Variants in PRR16 observed in about 807,000 individuals in gnomAD.
The protein encoded by PRR16 is proline rich 16, also known as protein Largen.
Under a neutral mutation model 18.2 loss-of-function variants are expected in PRR16, and 6 were observed. The observed-to-expected ratio is 0.33, with a 90% CI of 0.18 to 0.65. The LOEUF (loss-of-function observed/expected upper bound fraction) is 0.65. Among genes scored for constraint, PRR16 ranks in the 30% least tolerant of loss-of-function variants. The pLI, the probability that PRR16 is intolerant of heterozygous loss-of-function variation, is 0.74. For synonymous variants in PRR16, 151 were observed against 147.8 expected (o/e 1.02, Z -0.16); for missense variants, 412 against 376.6 (o/e 1.09, Z -0.78).
intron 1 of PRR16, among the ~76,000 whole-genome samples, chr5:120,520,502 A>G (rs1751138540): frequency 6.6e-6 from 1 of 152,226 alleles, no homozygotes; most frequent in African/African-American, 2.4e-5. Context: ...GTTTAGGTAG[A>G]TCAGAACTTT....
chr5:120,563,434 G>C (rs1458088196), intron 1 of PRR16, among the ~76,000 whole-genome samples: 1 of 152,166 alleles, frequency 6.6e-6, no homozygotes, highest in Non-Finnish European at 1.5e-5. Context: ...CTAAAGCTAA[G>C]CTGGCATCAA....
chr5:120,556,884 T>G (rs1449160394), intron 1 of PRR16, among the ~76,000 whole-genome samples: 1 of 151,738 alleles, frequency 6.6e-6, no homozygotes, highest in African/African-American at 2.4e-5. Flanking sequence ...ATTAAACAAC[T>G]TTCTTTTCAG....
chr5:120,489,072 G>C (rs1247808928), intron 1 of PRR16, among the ~76,000 whole-genome samples: 5 of 152,080 alleles, frequency 3.3e-5, no homozygotes, highest in African/African-American at 9.7e-5. Context: ...TTACTTCCAA[G>C]TATGTGGTCA....
At chr5:120,564,232 G>T (rs912354995) in intron 1 of PRR16, among the ~76,000 whole-genome samples, 1 of 152,104 alleles carries the variant, frequency 6.6e-6, no homozygotes, top group Non-Finnish European at 1.5e-5. Context: ...GGGTGGTACA[G>T]GCATTCCCAA....
intron 1 of PRR16, among the ~76,000 whole-genome samples, chr5:120,587,645 C>T (rs1411246513): frequency 6.6e-6 from 1 of 152,152 alleles, no homozygotes; most frequent in African/African-American, 2.4e-5. Context: ...AGACCTACTA[C>T]TCAGAAAAAA....
At chr5:120,760,839 G>A in the PRR16 span, among the ~76,000 whole-genome samples, 3 of 151,954 alleles carry the variant, frequency 2.0e-5, no homozygotes, top group Admixed American at 6.6e-5. Context: ...ATTGAGCTCC[G>A]GTAGCACAAT....
the PRR16 span, among the ~76,000 whole-genome samples, chr5:120,727,524 G>A: frequency 2.0e-5 from 3 of 152,054 alleles, no homozygotes; most frequent in African/African-American, 7.2e-5. Flanking sequence ...ACATCACCCA[G>A]CAGATACCCA....
intron 1 of PRR16, among the ~76,000 whole-genome samples, chr5:120,492,720 C>T (rs571193536): frequency 3.9e-5 from 6 of 152,172 alleles, no homozygotes; most frequent in South Asian, 2.1e-4. Flanking sequence ...CCCTTGACAT[C>T]GCCCATGAGT....
chr5:120,530,431 C>A (rs1751514768), intron 1 of PRR16, among the ~76,000 whole-genome samples: 1 of 151,292 alleles, frequency 6.6e-6, no homozygotes. Context: ...CTTCTGATTT[C>A]TCCTCTCTTT....
intron 1 of PRR16, among the ~76,000 whole-genome samples, chr5:120,574,568 C>T (rs1277209086): frequency 7.3e-6 from 1 of 136,378 alleles, no homozygotes; most frequent in African/African-American, 3.7e-5. Context: ...TGCCATTGCA[C>T]TCCAACCTGG....
At chr5:120,705,253 G>A in the PRR16 span, among the ~76,000 whole-genome samples, 9 of 151,884 alleles carry the variant, frequency 5.9e-5, no homozygotes, top group African/African-American at 2.2e-4. Context: ...TTCATTTATA[G>A]CTTTTATTCA....
At chr5:120,617,334 TA>T (rs1335487948) in intron 1 of PRR16, 2 of 229,704 alleles carry the variant, frequency 8.7e-6, no homozygotes, top group East Asian at 3.6e-4. Context: ...CTTTGAATAT[TA>T]AAGTTATCAA....
At chr5:120,722,302 G>A in the PRR16 span, among the ~76,000 whole-genome samples, 1 of 151,918 alleles carries the variant, frequency 6.6e-6, no homozygotes. Flanking sequence ...TGATACTATC[G>A]TTCTGTATAT....
intron 1 of PRR16, among the ~76,000 whole-genome samples, chr5:120,606,438 T>G (rs1754156506): frequency 6.6e-6 from 1 of 152,230 alleles, no homozygotes; most frequent in Non-Finnish European, 1.5e-5. Context: ...TTATATACTT[T>G]TTTATATTGA....
chr5:120,786,839 T>A, the PRR16 span, among the ~76,000 whole-genome samples: 4 of 152,068 alleles, frequency 2.6e-5, no homozygotes, highest in Non-Finnish European at 5.9e-5. Context: ...AACTTGACAT[T>A]TAATGCTTCA....
chr5:120,730,482 T>C, the PRR16 span, among the ~76,000 whole-genome samples: 3,457 of 152,228 alleles, frequency 0.023, 147 homozygotes, highest in African/African-American at 0.079. Context: ...GTCATTTGCA[T>C]AGTGGTCAAA....
chr5:120,781,428 T>C, the PRR16 span: 1 of 152,126 alleles, frequency 6.6e-6, no homozygotes, highest in Non-Finnish European at 1.5e-5. Flanking sequence ...AATAAAAAAA[T>C]ATGATCTAAT....
At chr5:120,779,511 T>G in the PRR16 span, among the ~76,000 whole-genome samples, 14 of 152,178 alleles carry the variant, frequency 9.2e-5, no homozygotes, top group African/African-American at 3.4e-4. Flanking sequence ...TTTATATAGC[T>G]GAATCCCCCA....
At chr5:120,537,998 A>C (rs980396321) in intron 1 of PRR16, among the ~76,000 whole-genome samples, 2 of 151,506 alleles carry the variant, frequency 1.3e-5, no homozygotes, top group Non-Finnish European at 2.9e-5. Flanking sequence ...GGATGGTCTC[A>C]ATCTCCTGAC....
Sources: gnomAD v4.1 joint callset for allele counts (sites outside exome capture counted in the v4.1 genomes callset) on GRCh38, gnomAD v4.1.1 for gene constraint, MANE v1.5 for transcripts, NCBI Gene and HGNC (gene_info 2026-07-23, HGNC 2026-07-21) for gene names.